HOXB3: variants seen among roughly 807,000 people sequenced by gnomAD.
HOXB3 encodes the protein homeobox B3.
A neutral mutation model predicts 29.2 loss-of-function variants in HOXB3; 17 were observed. The ratio of observed to expected loss-of-function variants is 0.58; its 90% CI spans 0.40 to 0.87. HOXB3 has a LOEUF of 0.87. Ranked by LOEUF, HOXB3 falls within the 40% of genes least tolerant of loss-of-function variation. The probability of loss-of-function intolerance (pLI) is 0.00; values close to 1 mark genes in which losing one functional copy is unlikely to be tolerated. For synonymous variants in HOXB3, 317 were observed against 285.9 expected, an observed-to-expected ratio of 1.11 and a Z score of -1.10; for missense variants, 637 against 616.3, an observed-to-expected ratio of 1.03 and a Z score of -0.35.
chr17:48,586,897 C>A (rs1293712023), intron 1 of HOXB3, among the ~76,000 whole-genome samples: 1 of 152,110 alleles, frequency 6.6e-6, no homozygotes, highest in Admixed American at 6.5e-5. Context: ...GGGAGGTTAA[C>A]CCCTCTAGAA....
chr17:48,550,268 T>A lies in HOXB3; in HGVS notation c.*66A>T. 6.2e-7 allele frequency: 1 copy of A among 1,602,452 alleles called. No individual in the cohort carries two copies. The highest frequency in any genetic ancestry group is 1.1e-5 in the South Asian group (1 of 89,548). ...GGCTCCTCTTTTCAGACCTCCAGGT[T>A]GCCCCCCAGAGCTCCACAGTCTCTC... On this transcript the variant is annotated 3_prime_UTR_variant, in exon 5 of 5. Coordinates refer to ENST00000498678, the MANE Select transcript of HOXB3 (RefSeq NM_001384749.1).
At position 48,554,367 on chromosome 17, in the gene HOXB3, T is replaced by A. The variant is rs1332775678; in HGVS notation, c.-159+1164A>T. ...ACGATGATGATGATAGTAATAATAA[T>A]AAAACAATAATTTAACTAGATGCCT... On this transcript the variant is annotated intron_variant, in intron 3 of 4. Coordinates refer to ENST00000498678, the MANE Select transcript of HOXB3 (RefSeq NM_001384749.1). This position sits in a 1 kb window ranked among gnomAD's most constrained non-coding sequence, Gnocchi z 4.1. 2.3e-5 allele frequency: 11 copies of A among 476,092 alleles called. No homozygotes were observed. The highest frequency in any genetic ancestry group is 4.2e-5 in the Non-Finnish European group (11 of 264,990). 29.5% of individuals were successfully genotyped at this position (476,092 alleles called of 1,614,324 possible).
chr17:48,578,988 G>GCC (rs1239496684), intron 1 of HOXB3: 1 of 152,312 alleles, frequency 6.6e-6, no homozygotes, highest in Non-Finnish European at 1.5e-5. Context: ...GAGGGCGGGT[G>GCC]CGCAGAGGGA....
chr17:48,564,029 C>T (rs958118159), intron 2 of HOXB3, among the ~76,000 whole-genome samples: 7 of 152,116 alleles, frequency 4.6e-5, no homozygotes, highest in Non-Finnish European at 7.4e-5. Context: ...CACACTCGTC[C>T]TCCACCCCCA....
At position 48,550,256 on chromosome 17, in the gene HOXB3, A is replaced by T; in HGVS notation, c.*78T>A. ...ACCACCTTCTCTGGCTCCTCTTTTC[A>T]GACCTCCAGGTTGCCCCCCAGAGCT... On this transcript the variant is annotated 3_prime_UTR_variant, in exon 5 of 5. Transcript: ENST00000498678. 6.3e-7 allele frequency: 1 copy of T among 1,583,526 alleles called. No individual in the cohort carries two copies. The highest frequency in any genetic ancestry group is 8.6e-7 in the Non-Finnish European group (1 of 1,164,454).
rs1444950126 is a variant in HOXB3 at position 48,552,428 on chromosome 17, C to G, written c.47G>C (p.Gly16Ala). 1 of 1,603,134 alleles carries G rather than the reference C, an allele frequency of 6.2e-7. No individual in the cohort carries two copies. Among genetic ancestry groups the G allele is most frequent in the South Asian group, 1.1e-5 (1 of 89,726 alleles). Residue 16 changes from glycine to alanine, a missense_variant, in exon 4 of 5, where the codon GGA (glycine) becomes GCA (alanine). Gly to Ala is a moderately conservative substitution (Grantham distance 60). Coordinates refer to ENST00000498678, the MANE Select transcript of HOXB3 (RefSeq NM_001384749.1). ...GCTGCCAGGGTACGAGGAATAGCCT[C>G]CGAAGAGAGCAGCCGCGGCGTTGTC... ...YYDNAAAALFGGYSSYPGSNG... is the reference protein window; with the variant it reads ...YYDNAAAALFAGYSSYPGSNG...
At chr17:48,580,161 T>TGCCTCC (rs2069897785) in intron 1 of HOXB3, 1 of 264,600 alleles carries the variant, frequency 3.8e-6, no homozygotes, top group African/African-American at 2.4e-5. Flanking sequence ...ACGAGAACCT[T>TGCCTCC]GCCTCCGCCG....
chr17:48,577,801 C>T (rs2069814463), intron 1 of HOXB3: 1 of 1,332,396 alleles, frequency 7.5e-7, no homozygotes. Flanking sequence ...ACCCATGCCT[C>T]CGAAGTCCCT....
At chr17:48,551,779 A>G (rs1344114224) in intron 4 of HOXB3, among the ~76,000 whole-genome samples, 2 of 152,170 alleles carry the variant, frequency 1.3e-5, no homozygotes. Context: ...TGGCCTTGGG[A>G]AGGGCTTTGA....
chr17:48,568,631 G>A (rs978385234), intron 2 of HOXB3, among the ~76,000 whole-genome samples: 5 of 147,590 alleles, frequency 3.4e-5, no homozygotes, highest in Non-Finnish European at 7.6e-5. Context: ...ACACGCAGAC[G>A]CGCACGCACA....
chr17:48,583,397 T>A (rs1419440720), intron 1 of HOXB3, among the ~76,000 whole-genome samples: 2 of 152,108 alleles, frequency 1.3e-5, no homozygotes, highest in Non-Finnish European at 2.9e-5. Flanking sequence ...AATAGTGAGA[T>A]TTTCTTGGGT....
In HOXB3 at chr17:48,552,577, C is replaced by A; in HGVS notation, c.-103G>T. ...GGGTCACGTGACACGCCGGACCCCC[C>A]CCCCCCACCTCCCCTCTCTGCCCCC... On this transcript the variant is annotated 5_prime_UTR_variant, in exon 4 of 5. Transcript: ENST00000498678. 1.3e-6 allele frequency: 1 copy of A among 793,720 alleles called. No individual in the cohort carries two copies. The highest frequency in any genetic ancestry group is 1.9e-6 in the Non-Finnish European group (1 of 526,136). The allele number at this position is 793,720 out of a possible 1,614,324, so 49.2% of individuals were successfully genotyped here.
At chr17:48,576,455 CTTT>C in intron 1 of HOXB3, 1 of 375,228 alleles carries the variant, frequency 2.7e-6, no homozygotes, top group East Asian at 4.0e-5. Context: ...CTTCTTCTTG[CTTT>C]TTCTTTTTCT....
At chr17:48,580,168 G>A (rs1479966081) in intron 1 of HOXB3, 7 of 247,540 alleles carry the variant, frequency 2.8e-5, no homozygotes, top group Non-Finnish European at 4.8e-5. Context: ...CCTTGCCTCC[G>A]CCGCCGCCGC....
chr17:48,575,761 G>C (rs1482392503), intron 1 of HOXB3: 1 of 152,548 alleles, frequency 6.6e-6, no homozygotes, highest in Non-Finnish European at 1.5e-5. Flanking sequence ...CCTCCTCCCA[G>C]ACTGGGAGGG....
chr17:48,551,102 CCCGCCG>C lies in HOXB3; in HGVS notation c.522_527del (p.Gly177_Gly178del), dbSNP rs746292587. 50 of 1,382,810 alleles carry C rather than the reference CCCGCCG, an allele frequency of 3.6e-5. No homozygotes were observed. The highest frequency in any genetic ancestry group is 2.3e-4 in the Admixed American group (8 of 34,812). The allele number at this position is 1,382,810 out of a possible 1,614,324, so 85.7% of individuals were successfully genotyped here. On this transcript the variant is annotated inframe_deletion, in exon 5 of 5. Coordinates refer to ENST00000498678, the MANE Select transcript of HOXB3 (RefSeq NM_001384749.1). ...ACCCCGGGGGGCTCTTGTCCCCTCC[CCCGCCG>C]CCGCCGCCACCGCCCCCGCTGCCAC...
chr17:48,583,206 G>C (rs1406735956), intron 1 of HOXB3, among the ~76,000 whole-genome samples: 1 of 152,208 alleles, frequency 6.6e-6, no homozygotes. Context: ...CCCTGAGAGA[G>C]GTGCTGGGCT....
chr17:48,580,024 T>C (rs2069894338), intron 1 of HOXB3: 1 of 440,142 alleles, frequency 2.3e-6, no homozygotes, highest in Non-Finnish European at 4.6e-6. Context: ...GTGCTTTGGT[T>C]TTATTTCGTT....
Position 48,550,706 on chromosome 17 carries a change from G to T in HOXB3, c.924C>A (p.Tyr308Ter). Residue 308 changes from tyrosine (Y) to a stop codon, truncating the protein, a stop_gained, in exon 5 of 5, where the codon TAC (tyrosine) becomes TAA (stop). Transcript: ENST00000498678. LOFTEE classifies it high-confidence loss of function. ...CGCCGCAGCCTTTGAGAGGGGGCTGGTAGTTGGAGGGCAGCGCGTAGGCAT... is the reference window on the plus strand; with the variant it reads ...CGCCGCAGCCTTTGAGAGGGGGCTGTTAGTTGGAGGGCAGCGCGTAGGCAT... The part of the protein sequence containing the change: ...HQNAYALPSN[Y>*]QPPLKGCGAP... 1 of 1,545,576 alleles carries T rather than the reference G, an allele frequency of 6.5e-7. No individual in the cohort carries two copies.
Sources: gnomAD v4.1 joint callset for allele counts (sites outside exome capture counted in the v4.1 genomes callset) on GRCh38, gnomAD v4.1.1 for gene constraint, Gnocchi (gnomAD v3.1) non-coding constraint, MANE v1.5 for transcripts, NCBI Gene and HGNC (gene_info 2026-07-23, HGNC 2026-07-21) for gene names.